Variants in RBFOX1 observed in about 807,000 individuals in gnomAD.
The protein encoded by RBFOX1 is RNA binding fox-1 homolog 1.
In RBFOX1, 8 loss-of-function variants were observed where a neutral mutation model predicts 57.7. The ratio of observed to expected loss-of-function variants is 0.14; its 90% CI spans 0.08 to 0.25. RBFOX1 has a LOEUF of 0.25. Among genes scored for constraint, RBFOX1 ranks in the 10% least tolerant of loss-of-function variants. RBFOX1 has a pLI of 1.00. For synonymous variants in RBFOX1, 326 were observed against 222.4 expected (o/e 1.47, Z -4.15); for missense variants, 611 against 548.5 (o/e 1.11, Z -1.14).
chr16:5,882,718 C>G (rs189498003), intron 4 of RBFOX1, among the ~76,000 whole-genome samples: 6 of 152,250 alleles, frequency 3.9e-5, no homozygotes, highest in South Asian at 2.1e-4. Context: ...GCAGCAGAGG[C>G]CCCATGTGCC....
intron 3 of RBFOX1, among the ~76,000 whole-genome samples, chr16:6,967,984 CTGA>C (rs1568135465): frequency 6.6e-6 from 1 of 152,166 alleles, no homozygotes; most frequent in African/African-American, 2.4e-5. Context: ...GGCAGTTCTG[CTGA>C]TGACAGCGGG....
chr16:6,622,861 G>T (rs1033715233), intron 2 of RBFOX1, among the ~76,000 whole-genome samples: 3 of 152,144 alleles, frequency 2.0e-5, no homozygotes, highest in African/African-American at 7.2e-5. Context: ...AGTTTTTGTT[G>T]TTTTTATCCA....
At chr16:7,616,277 G>T (rs2058429109) in intron 10 of RBFOX1, among the ~76,000 whole-genome samples, 1 of 152,228 alleles carries the variant, frequency 6.6e-6, no homozygotes, top group South Asian at 2.1e-4. Context: ...AAAGCTTCCA[G>T]GTGTCCTCTC....
At chr16:5,931,382 G>T (rs1039392778) in intron 4 of RBFOX1, among the ~76,000 whole-genome samples, 5 of 152,180 alleles carry the variant, frequency 3.3e-5, no homozygotes, top group African/African-American at 1.2e-4. Flanking sequence ...ATATCTGGAG[G>T]TGGAGATGGG....
intron 4 of RBFOX1, among the ~76,000 whole-genome samples, chr16:7,502,606 T>C (rs1172110854): frequency 6.6e-6 from 1 of 152,236 alleles, no homozygotes; most frequent in East Asian, 1.9e-4. Context: ...TTTGTTTTTT[T>C]AATTATACTT....
At chr16:5,791,094 C>T (rs992373816) in intron 3 of RBFOX1, among the ~76,000 whole-genome samples, 3 of 152,084 alleles carry the variant, frequency 2.0e-5, no homozygotes, top group Non-Finnish European at 2.9e-5. Flanking sequence ...GTCTCAGCTC[C>T]TGGCCTCAAG....
At chr16:7,468,078 A>G (rs2060850723) in intron 4 of RBFOX1, among the ~76,000 whole-genome samples, 1 of 152,240 alleles carries the variant, frequency 6.6e-6, no homozygotes. Flanking sequence ...AGCTGCTTGC[A>G]AATAAGCGAG....
At chr16:5,933,485 G>T (rs1190311965) in intron 4 of RBFOX1, among the ~76,000 whole-genome samples, 1 of 152,166 alleles carries the variant, frequency 6.6e-6, no homozygotes, top group Non-Finnish European at 1.5e-5. Context: ...GGACCGTCAG[G>T]GTTGAATCTC....
Position 6,618,472 on chromosome 16 carries a change from A to G in RBFOX1, c.-63-36131A>G, listed in dbSNP as rs115476910. On this transcript the variant is annotated intron_variant, in intron 2 of 15. Transcript: ENST00000550418. Reference sequence around the variant, plus strand: ...AGTCCTACATTCTGATAATAGTAGCACACACTTCCTGATGTTCATTATACA... The same window carrying G: ...AGTCCTACATTCTGATAATAGTAGCGCACACTTCCTGATGTTCATTATACA... Among the ~76,000 whole-genome samples, 1,342 of 152,320 alleles carry G rather than the reference A, an allele frequency of 8.8e-3. 23 individuals carry two copies. The highest frequency in any genetic ancestry group is 0.03 in the African/African-American group (1,260 of 41,564).
At chr16:6,312,326 A>C (rs577384152) in intron 1 of RBFOX1, among the ~76,000 whole-genome samples, 1 of 151,372 alleles carries the variant, frequency 6.6e-6, no homozygotes, top group African/African-American at 2.4e-5. Flanking sequence ...CCGCCCCAAA[A>C]CCCTCCTCCA....
chr16:6,790,712 C>G lies in RBFOX1; in HGVS notation c.-16+136062C>G, dbSNP rs941150649. Among the ~76,000 whole-genome samples the G allele has an allele frequency of 9.2e-5, 14 of 152,230 alleles. No individual in the cohort carries two copies. The South Asian group carries it at 2.9e-3, about 32-fold the overall frequency. On this transcript the variant is annotated intron_variant, in intron 3 of 15. Coordinates refer to ENST00000550418, the MANE Select transcript of RBFOX1 (RefSeq NM_018723.4). ...GTGATTTCAGTTCAGTCTTGGCTCT[C>G]CATCCCTCCTCTTCTTCTTCTCCTG...
intron 3 of RBFOX1, among the ~76,000 whole-genome samples, chr16:6,742,140 G>C (rs1027708946): frequency 1.3e-5 from 2 of 152,072 alleles, no homozygotes; most frequent in African/African-American, 4.8e-5. Context: ...ATGTCAAAGA[G>C]TGAAAACCAA....
At chr16:6,767,733 G>C (rs1182140422) in intron 3 of RBFOX1, among the ~76,000 whole-genome samples, 1 of 151,730 alleles carries the variant, frequency 6.6e-6, no homozygotes, top group Non-Finnish European at 1.5e-5. Context: ...GGCCAATATG[G>C]TGAAACCCCA....
intron 2 of RBFOX1, among the ~76,000 whole-genome samples, chr16:6,381,152 G>C (rs1428969453): frequency 6.6e-6 from 1 of 152,124 alleles, no homozygotes; most frequent in East Asian, 1.9e-4. Context: ...AGAAGGAATA[G>C]ATCCTAGAGA....
At chr16:6,790,715 T>C (rs2082777330) in intron 3 of RBFOX1, among the ~76,000 whole-genome samples, 1 of 152,136 alleles carries the variant, frequency 6.6e-6, no homozygotes, top group Admixed American at 6.5e-5. Context: ...TGGCTCTCCA[T>C]CCCTCCTCTT....
At chr16:6,985,856 T>A (rs1258984755) in intron 3 of RBFOX1, among the ~76,000 whole-genome samples, 2 of 96,054 alleles carry the variant, frequency 2.1e-5, no homozygotes, top group East Asian at 3.2e-4. Flanking sequence ...AACAGAATTT[T>A]TTTTTCTTTT....
At chr16:5,415,255 G>T (rs376737884) in intron 1 of RBFOX1, among the ~76,000 whole-genome samples, 59 of 152,280 alleles carry the variant, frequency 3.9e-4, no homozygotes, top group East Asian at 1.5e-3. Context: ...GGGGAGGAAG[G>T]CACCTTCTTC....
intron 3 of RBFOX1, among the ~76,000 whole-genome samples, chr16:5,847,406 C>T (rs530838859): frequency 3.0e-4 from 46 of 151,792 alleles, no homozygotes; most frequent in Non-Finnish European, 4.9e-4. Flanking sequence ...CTGATTGCAT[C>T]AAAGGATTAA....
chr16:7,294,975 A>G (rs568782526), intron 4 of RBFOX1, among the ~76,000 whole-genome samples: 20 of 152,334 alleles, frequency 1.3e-4, no homozygotes, highest in African/African-American at 4.8e-4. Context: ...TTGGAACTAT[A>G]AAAATAATCT....
Sources: gnomAD v4.1 joint callset for allele counts (sites outside exome capture counted in the v4.1 genomes callset) on GRCh38, gnomAD v4.1.1 for gene constraint, MANE v1.5 for transcripts, NCBI Gene and HGNC (gene_info 2026-07-23, HGNC 2026-07-21) for gene names.